GRIN2A: variants seen among roughly 807,000 people sequenced by gnomAD.
GRIN2A encodes glutamate receptor ionotropic, NMDA 2A.
GRIN2A carries 22 observed loss-of-function variants against 113.4 expected under a neutral mutation model. The ratio of observed to expected loss-of-function variants is 0.19; its 90% CI spans 0.14 to 0.28. The LOEUF is 0.28. GRIN2A is among the 10% of genes least tolerant of loss of function. GRIN2A has a pLI of 1.00. For missense variants in GRIN2A, 1,502 were observed against 1,887.0 expected (o/e 0.80, Z 3.78); for synonymous variants, 827 against 738.4 (o/e 1.12, Z -1.94).
chr16:9,982,013 C>T (rs899021028), intron 2 of GRIN2A, among the ~76,000 whole-genome samples: 1 of 152,140 alleles, frequency 6.6e-6, no homozygotes, highest in African/African-American at 2.4e-5. Context: ...GTCTGGAACT[C>T]CTGGCCTCAA....
chr16:9,928,393 C>T (rs140309297), intron 3 of GRIN2A, among the ~76,000 whole-genome samples: 1 of 152,144 alleles, frequency 6.6e-6, no homozygotes, highest in African/African-American at 2.4e-5. Flanking sequence ...GTTAATCGGT[C>T]GTGAGCACCT....
At chr16:10,018,696 C>T (rs2046655218) in intron 2 of GRIN2A, among the ~76,000 whole-genome samples, 1 of 152,166 alleles carries the variant, frequency 6.6e-6, no homozygotes, top group Admixed American at 6.5e-5. Context: ...CATGCCTGCA[C>T]TGCCAGTCAC....
intron 4 of GRIN2A, among the ~76,000 whole-genome samples, chr16:9,863,005 G>A (rs1036584131): frequency 2.0e-5 from 3 of 152,038 alleles, no homozygotes; most frequent in Non-Finnish European, 4.4e-5. Flanking sequence ...TGATAAAAAC[G>A]CCATTATTAG....
intron 4 of GRIN2A, among the ~76,000 whole-genome samples, chr16:9,883,280 T>C (rs1165199459): frequency 6.6e-6 from 1 of 152,162 alleles, no homozygotes; most frequent in Non-Finnish European, 1.5e-5. Context: ...CAACAGATCA[T>C]AGAGGGGTCC....
rs533360843 is a variant in GRIN2A, at chr16:9,988,432, A to G, written c.415-49881T>C. Among the ~76,000 whole-genome samples, 133 of 152,270 alleles carry G rather than the reference A, an allele frequency of 8.7e-4. 1 individual carries two copies. The highest frequency in any genetic ancestry group is 1.8e-3 in the Non-Finnish European group (120 of 68,020). ...TCCATACAACCATTTTCCAAAATCA[A>G]GCTTCAAGATACAGAACACCAGAAA... On this transcript the variant is annotated intron_variant, in intron 2 of 12. Coordinates refer to ENST00000330684, the MANE Select transcript of GRIN2A (RefSeq NM_001134407.3).
intron 3 of GRIN2A, among the ~76,000 whole-genome samples, chr16:9,896,324 C>T (rs1224335715): frequency 6.6e-6 from 1 of 152,176 alleles, no homozygotes; most frequent in African/African-American, 2.4e-5. Context: ...GCTGGGATTA[C>T]AGGCGTGAGC....
intron 3 of GRIN2A, among the ~76,000 whole-genome samples, chr16:9,922,745 A>G (rs1484767699): frequency 6.9e-6 from 1 of 145,104 alleles, no homozygotes; most frequent in Non-Finnish European, 1.5e-5. Context: ...TTATTCTTTT[A>G]CCCATAGGTT....
At chr16:9,848,270 T>A in intron 5 of GRIN2A, among the ~76,000 whole-genome samples, 1 of 151,074 alleles carries the variant, frequency 6.6e-6, no homozygotes, top group Admixed American at 6.6e-5. Context: ...GGCTGGAGTG[T>A]AGTGGCTCGA....
chr16:9,757,021 T>A lies in GRIN2A; in HGVS notation c.*6128A>T, dbSNP rs9933624. On this transcript the variant is annotated 3_prime_UTR_variant, in exon 13 of 13. Coordinates refer to ENST00000330684, the MANE Select transcript of GRIN2A (RefSeq NM_001134407.3). ...TGGTGTATCAGAAGGGTTCTTCAAA[T>A]GTCAAAAACAAAACCAAACAAAAAA... is the stretch of plus-strand genomic sequence containing the variant. 1 of 199,394 alleles carries A rather than the reference T, an allele frequency of 5.0e-6. No individual in the cohort carries two copies. Among genetic ancestry groups the A allele is most frequent in the Non-Finnish European group, 1.0e-5 (1 of 96,620 alleles). 12.4% of individuals were successfully genotyped at this position (199,394 alleles called of 1,614,324 possible). A position where few individuals can be genotyped will look rare whatever the true frequency, so the allele number is the denominator to read the frequency against.
intron 2 of GRIN2A, among the ~76,000 whole-genome samples, chr16:10,056,816 G>A (rs889562915): frequency 6.6e-6 from 1 of 152,138 alleles, no homozygotes; most frequent in East Asian, 1.9e-4. Context: ...AAAGAGAACA[G>A]TAATGCCAGA....
At chr16:9,787,507 G>T (rs1329537180) in intron 11 of GRIN2A, among the ~76,000 whole-genome samples, 1 of 152,134 alleles carries the variant, frequency 6.6e-6, no homozygotes, top group African/African-American at 2.4e-5. Context: ...TGTAAAACCA[G>T]GCTGTAGCCC....
At chr16:10,154,694 T>C (rs2049652765) in intron 2 of GRIN2A, among the ~76,000 whole-genome samples, 1 of 152,148 alleles carries the variant, frequency 6.6e-6, no homozygotes, top group African/African-American at 2.4e-5. Context: ...TACAAAAGTA[T>C]AGGAACGGCA....
intron 2 of GRIN2A, among the ~76,000 whole-genome samples, chr16:10,039,174 T>C (rs576321298): frequency 6.6e-6 from 1 of 151,966 alleles, no homozygotes; most frequent in African/African-American, 2.4e-5. Context: ...AACTAGATGA[T>C]AGACAGTGAG....
intron 2 of GRIN2A, among the ~76,000 whole-genome samples, chr16:10,055,581 A>T (rs2047445446): frequency 1.3e-5 from 2 of 152,222 alleles, no homozygotes; most frequent in South Asian, 4.1e-4. Context: ...GTCACATCTG[A>T]TGAAGTGAAT....
chr16:9,784,146 A>G (rs997062647), intron 11 of GRIN2A, among the ~76,000 whole-genome samples: 1 of 152,126 alleles, frequency 6.6e-6, no homozygotes, highest in Non-Finnish European at 1.5e-5. Flanking sequence ...AAAGAATTAT[A>G]TGGCTGGGTG....
intron 8 of GRIN2A, among the ~76,000 whole-genome samples, chr16:9,833,771 G>A (rs1057464696): frequency 6.6e-6 from 1 of 152,222 alleles, no homozygotes; most frequent in Non-Finnish European, 1.5e-5. Flanking sequence ...TCAGGCTGGA[G>A]TGCAGTGGCA....
intron 2 of GRIN2A, among the ~76,000 whole-genome samples, chr16:10,070,317 C>T (rs1217738348): frequency 2.6e-5 from 4 of 152,146 alleles, no homozygotes; most frequent in Non-Finnish European, 5.9e-5. Context: ...GTCCATGGGC[C>T]AGCAGCATCA....
At chr16:9,796,723 C>T (rs1903011634) in intron 11 of GRIN2A, among the ~76,000 whole-genome samples, 1 of 152,222 alleles carries the variant, frequency 6.6e-6, no homozygotes, top group Admixed American at 6.5e-5. Flanking sequence ...AGAGACCACA[C>T]CACTGATTCG....
At chr16:9,997,786 G>A (rs2046252631) in intron 2 of GRIN2A, among the ~76,000 whole-genome samples, 1 of 152,180 alleles carries the variant, frequency 6.6e-6, no homozygotes, top group Non-Finnish European at 1.5e-5. Flanking sequence ...TAGTGAATAA[G>A]TCTCACAAGA....
Sources: allele counts gnomAD v4.1 joint callset (sites outside exome capture counted in the v4.1 genomes callset), GRCh38; gene constraint gnomAD v4.1.1; transcripts MANE v1.5; gene names NCBI Gene and HGNC (gene_info 2026-07-23, HGNC 2026-07-21).